The following USP33 variants were observed in gnomAD, a reference collection of about 807,000 sequenced individuals.
The protein encoded by USP33 is ubiquitin specific peptidase 33, also known as ubiquitin carboxyl-terminal hydrolase 33.
A neutral mutation model predicts 124.2 loss-of-function variants in USP33; 46 were observed. That is an observed-to-expected ratio of 0.37 (90% CI 0.29 to 0.47). USP33 has a LOEUF of 0.47. Ranked by LOEUF, USP33 falls within the 20% of genes least tolerant of loss-of-function variation. The pLI, the probability that USP33 is intolerant of heterozygous loss-of-function variation, is 0.99. For missense variants in USP33, 851 were observed against 1,070.6 expected (o/e 0.79, Z 2.86); for synonymous variants, 350 against 352.3 (o/e 0.99, Z 0.07).
chr1:77,724,476 T>C (rs558731502), intron 11 of USP33, among the ~76,000 whole-genome samples: 1 of 152,308 alleles, frequency 6.6e-6, no homozygotes, highest in African/African-American at 2.4e-5. Flanking sequence ...CTTTCTCCTA[T>C]GTTTTCTTCT....
At chr1:77,727,930 T>C (rs1677342699) in intron 10 of USP33, among the ~76,000 whole-genome samples, 1 of 152,236 alleles carries the variant, frequency 6.6e-6, no homozygotes, top group African/African-American at 2.4e-5. Flanking sequence ...ACAATCTAAA[T>C]CTACTAGTGT....
At chr1:77,753,596 C>G (rs543127259) in intron 1 of USP33, among the ~76,000 whole-genome samples, 1 of 151,814 alleles carries the variant, frequency 6.6e-6, no homozygotes, top group East Asian at 1.9e-4. Flanking sequence ...CATAGAAAAC[C>G]TTAAAAGAAA....
At position 77,715,716 on chromosome 1, in the gene USP33, T is replaced by C. The variant is rs771083691; in HGVS notation, c.2045+26A>G. 2.0e-5 allele frequency: 32 copies of C among 1,606,548 alleles called. No homozygotes were observed. In the South Asian group the frequency reaches 3.0e-4, roughly 15 times the overall value. On this transcript the variant is annotated intron_variant, in intron 18 of 23. Transcript: ENST00000370794. ...AAGCCCAAAATGTGAGAGATGTCCT[T>C]TCGCATCTACACTTATTTCCATTAC...
At chr1:77,739,442 AAAGAGG>A in intron 4 of USP33, 25 bp from the exon 5 acceptor site, 1 of 1,550,122 alleles carries the variant, frequency 6.5e-7, no homozygotes, top group Non-Finnish European at 8.7e-7. Context: ...AGTAGAGGGA[AAAGAGG>A]AACCAAAATT....
At chr1:77,715,283 T>C (rs1675743164) in intron 18 of USP33, among the ~76,000 whole-genome samples, 1 of 152,132 alleles carries the variant, frequency 6.6e-6, no homozygotes, top group Non-Finnish European at 1.5e-5. Flanking sequence ...CTAGGCTCAC[T>C]GCAACCCCCA....
At chr1:77,708,731 CT>C (rs1674906416) in intron 21 of USP33, among the ~76,000 whole-genome samples, 1 of 152,086 alleles carries the variant, frequency 6.6e-6, no homozygotes, top group South Asian at 2.1e-4. Flanking sequence ...TAAAATGTCC[CT>C]CAATTAGGGT....
chr1:77,719,317 C>A (rs879808651), intron 15 of USP33, among the ~76,000 whole-genome samples: 4 of 152,150 alleles, frequency 2.6e-5, no homozygotes, highest in Admixed American at 2.6e-4. Context: ...CAATATCGTG[C>A]CACTGCACTC....
In USP33 at chr1:77,696,538, A is replaced by G. The variant is rs1270265260; in HGVS notation, c.*779T>C. ...ACCCTAGTTTCCTGAGCTTTAGGAA[A>G]TTAACAATTTTCTGACTACTACTTT... On this transcript the variant is annotated 3_prime_UTR_variant, in exon 24 of 24. Transcript: ENST00000370794. The G allele has an allele frequency of 3.9e-5, 6 of 152,622 alleles. No homozygotes were observed. The highest frequency in any genetic ancestry group is 1.4e-4 in the African/African-American group (6 of 41,462). 9.5% of individuals were successfully genotyped at this position (152,622 alleles called of 1,614,324 possible).
chr1:77,725,572 T>G (rs1460521603), intron 11 of USP33, 50 bp downstream of exon 11: 1 of 1,572,830 alleles, frequency 6.4e-7, no homozygotes. Context: ...AAACCATCAT[T>G]TTAAACTAAG....
chr1:77,734,442 T>C, intron 6 of USP33, 26 bp from the exon 7 acceptor site: 2 of 1,441,422 alleles, frequency 1.4e-6, no homozygotes, highest in Non-Finnish European at 1.9e-6. Context: ...ATACATGAAG[T>C]CATCATTCAA....
chr1:77,747,958 A>G (rs190314834), intron 1 of USP33, among the ~76,000 whole-genome samples: 228 of 152,286 alleles, frequency 1.5e-3, no homozygotes, highest in Non-Finnish European at 2.7e-3. Context: ...TATTCCACCA[A>G]TCTATGACAA....
At chr1:77,701,735 T>C (rs954859654) in intron 21 of USP33, 12 of 268,022 alleles carry the variant, frequency 4.5e-5, no homozygotes, top group African/African-American at 2.5e-4. Context: ...AATGGCACGA[T>C]CTGGGCTCAC....
chr1:77,711,476 G>A (rs77040766), intron 21 of USP33: 16,825 of 263,420 alleles, frequency 0.064, 706 homozygotes, highest in East Asian at 0.18. Context: ...GCTGTGAGCC[G>A]AGATTGCACC....
intron 5 of USP33, 24 bp from the exon 6 acceptor site, chr1:77,736,182 C>T (rs1678426063): frequency 6.7e-7 from 1 of 1,498,948 alleles, no homozygotes; most frequent in Non-Finnish European, 9.2e-7. Flanking sequence ...AAAGATAGCA[C>T]ACTTGAACAA....
At chr1:77,759,179 C>A (rs142907548) in intron 1 of USP33, among the ~76,000 whole-genome samples, 1 of 152,234 alleles carries the variant, frequency 6.6e-6, no homozygotes, top group East Asian at 1.9e-4. Context: ...TCGGTTTTTC[C>A]GTTCACAACA....
chr1:77,732,110 A>T (rs1027193867), intron 7 of USP33, among the ~76,000 whole-genome samples: 6 of 115,260 alleles, frequency 5.2e-5, no homozygotes, highest in East Asian at 2.2e-4. Flanking sequence ...TCTCTAACTT[A>T]AAAAAAAAAA....
intron 15 of USP33, among the ~76,000 whole-genome samples, chr1:77,718,943 A>T (rs1557832277): frequency 6.7e-6 from 1 of 148,412 alleles, no homozygotes; most frequent in African/African-American, 2.5e-5. Context: ...AAAAAAAAAA[A>T]AAGAAAGAAA....
intron 7 of USP33, among the ~76,000 whole-genome samples, chr1:77,733,065 T>C (rs1429423238): frequency 1.3e-5 from 2 of 151,528 alleles, no homozygotes; most frequent in African/African-American, 4.8e-5. Context: ...AGTGCTGGGA[T>C]TACAGGCATG....
At position 77,697,408 on chromosome 1, in the gene USP33, G is replaced by C; in HGVS notation, c.2645C>G (p.Pro882Arg). 1 of 1,613,090 alleles carries C rather than the reference G, an allele frequency of 6.2e-7. No individual in the cohort carries two copies. Among genetic ancestry groups the C allele is most frequent in the Non-Finnish European group, 8.5e-7 (1 of 1,179,812 alleles). Reference sequence around the variant, plus strand: ...AACCGGAGGTCGCAGGATAACTTCAGGCCCTCCACCATAAATAGACTGCAG... The same window carrying C: ...AACCGGAGGTCGCAGGATAACTTCACGCCCTCCACCATAAATAGACTGCAG... ...NFLQSIYGGG[P>R]EVILRPPVVH... Residue 882 changes from proline (P) to arginine (R), a missense_variant, in exon 24 of 24, where the codon CCT becomes CGT. Physicochemically the swap from Pro to Arg is moderately radical, Grantham distance 103 (BLOSUM62 -2). Coordinates refer to ENST00000370794, the MANE Select transcript of USP33 (RefSeq NM_201624.3).
Sources: allele counts gnomAD v4.1 joint callset (sites outside exome capture counted in the v4.1 genomes callset), GRCh38; gene constraint gnomAD v4.1.1; transcripts MANE v1.5; gene names NCBI Gene and HGNC (gene_info 2026-07-23, HGNC 2026-07-21).